The following DCAF12 variants were observed in gnomAD, a reference collection of about 807,000 sequenced individuals.
DCAF12 encodes the protein DDB1 and CUL4 associated factor 12.
A neutral mutation model predicts 52.8 loss-of-function variants in DCAF12; 28 were observed. That is an observed-to-expected ratio of 0.53 (90% CI 0.39 to 0.73). The LOEUF (loss-of-function observed/expected upper bound fraction) is 0.73, where lower values mean the gene tolerates loss of function less well. Among genes scored for constraint, DCAF12 ranks in the 30% least tolerant of loss-of-function variants. The pLI, the probability that DCAF12 is intolerant of heterozygous loss-of-function variation, is 0.00. For synonymous variants in DCAF12, 196 were observed against 215.5 expected (o/e 0.91, Z 0.79); for missense variants, 425 against 552.2 (o/e 0.77, Z 2.31).
In DCAF12 at chr9:34,094,793, G is replaced by A. The variant is rs190281584; in HGVS notation, c.862-1345C>T. ...GATCCGCCCACCTTGGCCTCCCAAA[G>A]TGCTGGGATTATAGGCGTGAGCCAC... On this transcript the variant is annotated intron_variant, in intron 6 of 8. Coordinates refer to ENST00000361264, the MANE Select transcript of DCAF12 (RefSeq NM_015397.4). Among the ~76,000 whole-genome samples, 1,343 of 152,176 alleles carry A rather than the reference G, an allele frequency of 8.8e-3. 23 individuals carry two copies. The highest frequency in any genetic ancestry group is 0.03 in the African/African-American group (1,248 of 41,540).
chr9:34,110,632 G>C (rs1298440071), intron 2 of DCAF12, among the ~76,000 whole-genome samples: 1 of 152,114 alleles, frequency 6.6e-6, no homozygotes, highest in Admixed American at 6.6e-5. Context: ...GGAAGGCCGA[G>C]AAAGAAGTAT....
intron 2 of DCAF12, among the ~76,000 whole-genome samples, chr9:34,115,530 C>T (rs1371191175): frequency 6.9e-6 from 1 of 145,568 alleles, no homozygotes. Flanking sequence ...ACCCGGTAGG[C>T]GGAGGTTGCA....
chr9:34,114,714 GGAAA>G, intron 2 of DCAF12, among the ~76,000 whole-genome samples: 1 of 152,200 alleles, frequency 6.6e-6, no homozygotes, highest in Admixed American at 6.6e-5. Flanking sequence ...TAGGATGGGG[GGAAA>G]GAGACATGTA....
intron 2 of DCAF12, among the ~76,000 whole-genome samples, chr9:34,122,433 G>A (rs1489759951): frequency 4.7e-5 from 7 of 150,180 alleles, no homozygotes; most frequent in Non-Finnish European, 7.4e-5. Flanking sequence ...CATTCACCCT[G>A]CCATCTTTCC....
rs556734384 is a variant in DCAF12, at chr9:34,094,685, C to T, written c.862-1237G>A. ...AGCTGGGACTACAAGCGCCCACCAC[C>T]ACGCCCGGCTAATTTTTTGTATTTT... On this transcript the variant is annotated intron_variant, in intron 6 of 8. Transcript: ENST00000361264. Among the ~76,000 whole-genome samples, 25 of 152,050 alleles carry T rather than the reference C, an allele frequency of 1.6e-4. 2 individuals are homozygous for T. In the South Asian group the frequency reaches 5.2e-3, roughly 32 times the overall value.
rs1484768554 is a variant in DCAF12, at chr9:34,126,445, G to A, written c.-14C>T. On this transcript the variant is annotated 5_prime_UTR_variant, in exon 1 of 9. Coordinates refer to ENST00000361264, the MANE Select transcript of DCAF12 (RefSeq NM_015397.4). Reference sequence around the variant, plus strand: ...TTTCCGGGCCATAGTGGGCAGCGCCGCCGCGGCCCCGCAGCCACATGGGGC... The same window carrying A: ...TTTCCGGGCCATAGTGGGCAGCGCCACCGCGGCCCCGCAGCCACATGGGGC... The A allele has an allele frequency of 6.2e-7, 1 of 1,602,066 alleles. No homozygotes were observed.
At chr9:34,122,104 T>C (rs1200477337) in intron 2 of DCAF12, among the ~76,000 whole-genome samples, 1 of 152,168 alleles carries the variant, frequency 6.6e-6, no homozygotes, top group African/African-American at 2.4e-5. Flanking sequence ...TATCTGTCAG[T>C]ATCAGTGGTT....
chr9:34,091,786 T>G (rs976882106), intron 7 of DCAF12, among the ~76,000 whole-genome samples: 6 of 151,908 alleles, frequency 3.9e-5, no homozygotes, highest in African/African-American at 1.5e-4. Context: ...AACACAGCCA[T>G]ATTTTTGCAT....
intron 1 of DCAF12, chr9:34,125,644 TCA>T (rs757099085): frequency 2.1e-5 from 10 of 472,556 alleles, no homozygotes; most frequent in African/African-American, 1.6e-4. Context: ...CTTCTCCCTC[TCA>T]GTCTGTACTC....
Position 34,098,316 on chromosome 9 carries a change from G to A in DCAF12, c.795+8C>T. ...ATACACGTCAGGGATCCCTACACAA[G>A]TTCATACCTTGTTCTTGTTGTTGAA... On this transcript the variant is annotated splice_region_variant and intron_variant, in intron 5 of 8. Transcript: ENST00000361264. The A allele has an allele frequency of 6.2e-7, 1 of 1,613,324 alleles. No individual in the cohort carries two copies. Among genetic ancestry groups the A allele is most frequent in the Non-Finnish European group, 8.5e-7 (1 of 1,179,588 alleles).
chr9:34,088,444 G>A lies in DCAF12; in HGVS notation c.1268C>T (p.Thr423Ile), dbSNP rs1444865476. ...DIDFFPNAVY[T>I]HCYDSSGTKL... ...CGTTCCAGACGAGTCGTAGCAGTGG[G>A]TGTAAACAGCATTGGGGAAGAAGTC... The change falls in exon 9 of 9, where the codon ACC becomes ATC. Residue 423 changes from threonine (T) to isoleucine (I), a missense_variant. By Grantham distance (89) the Thr-to-Ile change is moderately conservative (BLOSUM62 -1). Transcript: ENST00000361264. 1.2e-6 allele frequency: 2 copies of A among 1,614,198 alleles called. No individual in the cohort carries two copies. The highest frequency in any genetic ancestry group is 1.7e-6 in the Non-Finnish European group (2 of 1,180,020).
At chr9:34,114,343 A>G (rs1587739757) in intron 2 of DCAF12, among the ~76,000 whole-genome samples, 1 of 152,250 alleles carries the variant, frequency 6.6e-6, no homozygotes. Context: ...CTGGTGGATC[A>G]CCTGAGGTCA....
chr9:34,089,350 G>T, intron 8 of DCAF12, 62 bp downstream of exon 8: 1 of 1,502,122 alleles, frequency 6.7e-7, no homozygotes, highest in Non-Finnish European at 9.0e-7. Flanking sequence ...GGGGCTGAGA[G>T]ATAGAGGAAG....
intron 7 of DCAF12, chr9:34,089,823 TG>T (rs1373804697): frequency 1.0e-5 from 4 of 395,706 alleles, no homozygotes; most frequent in Non-Finnish European, 1.8e-5. Context: ...CAAGAAGCCT[TG>T]GAAAAGTGTC....
At chr9:34,099,008 G>A (rs571342306) in intron 4 of DCAF12, among the ~76,000 whole-genome samples, 4 of 150,116 alleles carry the variant, frequency 2.7e-5, no homozygotes, top group South Asian at 2.1e-4. Context: ...GAGTTCCAGC[G>A]ATCAGCCTGC....
intron 2 of DCAF12, among the ~76,000 whole-genome samples, chr9:34,123,034 GC>G (rs536753126): frequency 1.9e-3 from 285 of 152,280 alleles, no homozygotes; most frequent in African/African-American, 6.3e-3. Flanking sequence ...CTCTACTTAA[GC>G]AGTTGAGTAA....
chr9:34,089,067 C>T (rs1343731551), intron 8 of DCAF12, among the ~76,000 whole-genome samples: 1 of 147,898 alleles, frequency 6.8e-6, no homozygotes, highest in African/African-American at 2.5e-5. Context: ...AAGCTATGAT[C>T]ACACCACTAC....
At chr9:34,098,040 T>C (rs1587732877) in intron 5 of DCAF12, among the ~76,000 whole-genome samples, 1 of 151,860 alleles carries the variant, frequency 6.6e-6, no homozygotes, top group East Asian at 1.9e-4. Context: ...TGCAAAGGCA[T>C]GTGCAAATGA....
intron 4 of DCAF12, among the ~76,000 whole-genome samples, chr9:34,105,738 TTATC>T (rs1270238505): frequency 2.0e-5 from 3 of 150,562 alleles, no homozygotes; most frequent in Non-Finnish European, 4.4e-5. Context: ...TCTATCTATC[TTATC>T]TATCTATCCA....
Sources: gnomAD v4.1 joint callset for allele counts (sites outside exome capture counted in the v4.1 genomes callset) on GRCh38, gnomAD v4.1.1 for gene constraint, MANE v1.5 for transcripts, NCBI Gene and HGNC (gene_info 2026-07-23, HGNC 2026-07-21) for gene names.